Variants in SP100 observed in about 807,000 individuals in gnomAD.
The protein encoded by SP100 is nuclear autoantigen Sp-100.
SP100 carries 84 observed loss-of-function variants against 130.0 expected under a neutral mutation model. That is an observed-to-expected ratio of 0.65 (90% confidence interval 0.54 to 0.77). The LOEUF is 0.77. SP100 is among the 30% of genes least tolerant of loss of function. The pLI is 0.00. For missense variants in SP100, 978 were observed against 1,052.2 expected (o/e 0.93, Z 0.97); for synonymous variants, 331 against 351.7 (o/e 0.94, Z 0.66).
At chr2:230,474,212 A>G (rs2065420183) in intron 16 of SP100, among the ~76,000 whole-genome samples, 182 bp from the exon 17 acceptor site, 1 of 152,254 alleles carries the variant, frequency 6.6e-6, no homozygotes, top group African/African-American at 2.4e-5. Flanking sequence ...TCAAAGTCTC[A>G]GAGAACTAGA....
chr2:230,473,358 C>G lies in SP100; in HGVS notation c.1464C>G (p.Cys488Trp). 2 of 1,613,776 alleles carry G rather than the reference C, an allele frequency of 1.2e-6. No homozygotes were observed. The highest frequency in any genetic ancestry group is 1.1e-5 in the South Asian group (1 of 91,064). ...SQPQEPENKK[C>W]SCVMCFPKGV... ...CACAAGAACCTGAAAATAAGAAGTG[C>G]TCCTGTGTCATGTGTTTTCCAAAAG... Residue 488 changes from cysteine (C) to tryptophan (W), a missense_variant, in exon 16 of 29, where the codon TGC becomes TGG. Coordinates refer to ENST00000340126, the MANE Select transcript of SP100 (RefSeq NM_001080391.2).
At position 230,460,461 on chromosome 2, in the gene SP100, T is replaced by G. The variant is rs551532811; in HGVS notation, c.821-801T>G. Among the ~76,000 whole-genome samples the G allele has an allele frequency of 4.5e-4, 68 of 152,270 alleles. 1 individual carries two copies. Among genetic ancestry groups the G allele is most frequent in the African/African-American group, 1.4e-3 (59 of 41,554 alleles). On this transcript the variant is annotated intron_variant, in intron 8 of 28. Coordinates refer to ENST00000340126, the MANE Select transcript of SP100 (RefSeq NM_001080391.2). ...GAGAGAAAAGAGATTATTCCATTTTTATAAATTACACAACAAGCAAAATTA... is the reference window on the plus strand; with the variant it reads ...GAGAGAAAAGAGATTATTCCATTTTGATAAATTACACAACAAGCAAAATTA...
chr2:230,527,462 T>C (rs1691484298), intron 24 of SP100, among the ~76,000 whole-genome samples: 1 of 152,210 alleles, frequency 6.6e-6, no homozygotes, highest in African/African-American at 2.4e-5. Context: ...TACCAGCCAC[T>C]GCAAAAACAT....
chr2:230,421,458 C>T lies in SP100; in HGVS notation c.107+3793C>T, dbSNP rs562581004. 3.3e-5 allele frequency among the ~76,000 whole-genome samples: 5 copies of T among 151,108 alleles called. No individual in the cohort carries two copies. The East Asian group carries it at 9.7e-4, about 29-fold the overall frequency. ...TGCTTTACTATCTCATTTTGGTTTA[C>T]CACATTATCCAGTAGCCTCCTGACT... On this transcript the variant is annotated intron_variant, in intron 2 of 28. Transcript: ENST00000340126.
At chr2:230,532,452 T>C (rs1691743266) in intron 24 of SP100, among the ~76,000 whole-genome samples, 1 of 152,120 alleles carries the variant, frequency 6.6e-6, no homozygotes, top group Non-Finnish European at 1.5e-5. Flanking sequence ...AAGGAAATTA[T>C]ACTAATTGGG....
intron 24 of SP100, among the ~76,000 whole-genome samples, chr2:230,519,178 A>G (rs1691054985): frequency 6.6e-6 from 1 of 152,230 alleles, no homozygotes; most frequent in East Asian, 1.9e-4. Context: ...TTACATTTCC[A>G]AGGGACTGTG....
intron 3 of SP100, 152 bp downstream of exon 3, chr2:230,443,251 T>A: frequency 1.4e-6 from 1 of 694,772 alleles, no homozygotes; most frequent in Non-Finnish European, 2.4e-6. Context: ...TAAGTGCTCC[T>A]GTAAAGTAGA....
intron 25 of SP100, among the ~76,000 whole-genome samples, chr2:230,540,560 T>C (rs1692131716): frequency 6.6e-6 from 1 of 152,212 alleles, no homozygotes; most frequent in African/African-American, 2.4e-5. Flanking sequence ...CTCATTTCCA[T>C]TAACTGTAGC....
intron 8 of SP100, among the ~76,000 whole-genome samples, chr2:230,458,084 A>G (rs1339115335): frequency 6.6e-6 from 1 of 151,600 alleles, no homozygotes; most frequent in Non-Finnish European, 1.5e-5. Context: ...AACAAAACAC[A>G]GTTGACCCCT....
Position 230,446,804 on chromosome 2 carries a change from T to C in SP100, c.440-15T>C. 1 of 1,536,080 alleles carries C rather than the reference T, an allele frequency of 6.5e-7. No individual in the cohort carries two copies. The highest frequency in any genetic ancestry group is 9.0e-7 in the Non-Finnish European group (1 of 1,111,680). ...TGTAGATCTCTAATTGCTTCTTCTC[T>C]CTCCCACTCTTCAGTAATCCATGAC... On this transcript the variant is annotated splice_polypyrimidine_tract_variant and intron_variant, in intron 4 of 28. Transcript: ENST00000340126.
At position 230,450,211 on chromosome 2, in the gene SP100, A is replaced by T. The variant is rs2063907484; in HGVS notation, c.776A>T (p.Asp259Val). 2 of 1,613,766 alleles carry T rather than the reference A, an allele frequency of 1.2e-6. No individual in the cohort carries two copies. Among genetic ancestry groups the T allele is most frequent in the Non-Finnish European group, 1.7e-6 (2 of 1,179,878 alleles). Residue 259 changes from aspartate (D) to valine (V), a missense_variant, in exon 8 of 29, where the codon GAT becomes GTT. Coordinates refer to ENST00000340126, the MANE Select transcript of SP100 (RefSeq NM_001080391.2). ...ATTGCTGTCCAAGTGAATAATGGGG[A>T]TGCTGGAAGGGAGATGCCCTGCCCG... The part of the protein sequence containing the change: ...EQIAVQVNNG[D>V]AGREMPCPLP...
At chr2:230,514,754 G>C (rs546800732) in intron 24 of SP100, among the ~76,000 whole-genome samples, 116 of 152,302 alleles carry the variant, frequency 7.6e-4, no homozygotes, top group African/African-American at 2.7e-3. Context: ...ACTTTCAAAA[G>C]CTTCTTCAGG....
intron 14 of SP100, chr2:230,469,337 C>A (rs776507599): frequency 1.4e-4 from 72 of 515,666 alleles, no homozygotes; most frequent in Admixed American, 1.4e-4. Context: ...TAAAGTAGTT[C>A]CTGAGTAGAG....
chr2:230,518,768 T>C (rs971766480), intron 24 of SP100, among the ~76,000 whole-genome samples: 2 of 152,186 alleles, frequency 1.3e-5, no homozygotes, highest in East Asian at 3.8e-4. Context: ...GATGTTCACT[T>C]AAGAAAGAAT....
At chr2:230,486,067 AT>A (rs990639367) in intron 17 of SP100, among the ~76,000 whole-genome samples, 2 of 3,990 alleles carry the variant, frequency 5.0e-4, no homozygotes, top group African/African-American at 5.0e-3. Context: ...TGGGTAATTT[AT>A]TTTAAAAAAA....
At chr2:230,507,692 G>T (rs914450417) in intron 22 of SP100, among the ~76,000 whole-genome samples, 2 of 152,128 alleles carry the variant, frequency 1.3e-5, no homozygotes, top group Non-Finnish European at 2.9e-5. Flanking sequence ...GTAGAATGGG[G>T]CATTCTACAT....
chr2:230,466,201 A>AAAAAAAAAAC (rs35220862), intron 11 of SP100, 100 bp from the exon 12 acceptor site: 20 of 575,844 alleles, frequency 3.5e-5, no homozygotes, highest in African/African-American at 2.1e-4. Context: ...AAAAAAAAAA[A>AAAAAAAAAAC]AACTTTGTTA....
At chr2:230,521,425 AACTG>A (rs1453895218) in intron 24 of SP100, among the ~76,000 whole-genome samples, 3 of 152,118 alleles carry the variant, frequency 2.0e-5, no homozygotes, top group South Asian at 2.1e-4. Context: ...GTGCCTGCCT[AACTG>A]ACTATCTGCT....
intron 24 of SP100, among the ~76,000 whole-genome samples, chr2:230,514,271 T>C (rs905009346): frequency 1.3e-5 from 2 of 152,184 alleles, no homozygotes; most frequent in African/African-American, 4.8e-5. Flanking sequence ...AATAAAACAA[T>C]GAGTGATTCA....
Sources: allele counts gnomAD v4.1 joint callset (sites outside exome capture counted in the v4.1 genomes callset), GRCh38; gene constraint gnomAD v4.1.1; transcripts MANE v1.5; gene names NCBI Gene and HGNC (gene_info 2026-07-23, HGNC 2026-07-21).